TFCP2: variants seen among roughly 807,000 people sequenced by gnomAD.
The protein encoded by TFCP2 is transcription factor CP2.
In TFCP2, 33 loss-of-function variants were observed where a neutral mutation model predicts 73.4. The ratio of observed to expected loss-of-function variants is 0.45; its 90% CI spans 0.34 to 0.60. The LOEUF (loss-of-function observed/expected upper bound fraction) is 0.60. Among genes scored for constraint, TFCP2 ranks in the 20% least tolerant of loss-of-function variants. The pLI, the probability that TFCP2 is intolerant of heterozygous loss-of-function variation, is 0.01. For missense variants in TFCP2, 352 were observed against 604.0 expected, an observed-to-expected ratio of 0.58 and a Z score of 4.37; for synonymous variants, 193 against 211.6, an observed-to-expected ratio of 0.91 and a Z score of 0.76.
At chr12:51,103,790 T>C (rs17125370) in intron 9 of TFCP2, 27 bp from the exon 10 acceptor site, 113,495 of 1,576,654 alleles carry the variant, frequency 0.072, 4,580 homozygotes, top group African/African-American at 0.11. Context: ...GTTTTTTAGA[T>C]AACCAAATAG....
intron 10 of TFCP2, among the ~76,000 whole-genome samples, chr12:51,102,616 C>T (rs963804793): frequency 1.3e-5 from 2 of 151,860 alleles, no homozygotes; most frequent in African/African-American, 4.8e-5. Flanking sequence ...ATCCCAGCTA[C>T]TCGGGGGCTG....
intron 1 of TFCP2, among the ~76,000 whole-genome samples, chr12:51,128,478 T>TAAAAAAAAAAAAAAAA (rs11324129): frequency 7.3e-6 from 1 of 137,306 alleles, no homozygotes; most frequent in Non-Finnish European, 1.6e-5. Context: ...AGTATAATAA[T>TAAAAAAAAAAAAAAAA]AAAAAAAAAA....
At chr12:51,139,939 C>T (rs536140022) in intron 1 of TFCP2, among the ~76,000 whole-genome samples, 13 of 152,266 alleles carry the variant, frequency 8.5e-5, no homozygotes, top group African/African-American at 2.6e-4. Flanking sequence ...CTATTAAATA[C>T]TGGATTTACA....
rs71089747 is a variant in TFCP2, at chr12:51,115,064, G to GA, written c.457+1250dup. Among the ~76,000 whole-genome samples, 105 of 68,054 alleles carry GA rather than the reference G, an allele frequency of 1.5e-3. 3 individuals carry two copies. Among genetic ancestry groups the GA allele is most frequent in the African/African-American group, 5.3e-3 (99 of 18,636 alleles). The allele number at this position is 68,054 out of a possible 152,430, so 44.6% of individuals were successfully genotyped here. A position where few individuals can be genotyped will look rare whatever the true frequency, so the allele number is the denominator to read the frequency against. The stretch of plus-strand genomic sequence containing the variant: ...CAACAAGAGCGAAACTCCATCTCAG[G>GA]AAAAAAAAAAAAAGGAAAGCAACAA... On this transcript the variant is annotated intron_variant, in intron 4 of 14. Transcript: ENST00000257915.
chr12:51,154,825 G>A (rs1941504147), intron 1 of TFCP2, among the ~76,000 whole-genome samples: 3 of 152,252 alleles, frequency 2.0e-5, no homozygotes, highest in Admixed American at 6.5e-5. Context: ...TAGGATAAGG[G>A]GGAACTACTA....
chr12:51,147,094 G>A lies in TFCP2; in HGVS notation c.122+25207C>T, dbSNP rs552649554. Among the ~76,000 whole-genome samples, 4 of 152,318 alleles carry A rather than the reference G, an allele frequency of 2.6e-5. No homozygotes were observed. In the South Asian group the frequency reaches 8.3e-4, roughly 32 times the overall value. On this transcript the variant is annotated intron_variant, in intron 1 of 14. Coordinates refer to ENST00000257915, the MANE Select transcript of TFCP2 (RefSeq NM_005653.5). The stretch of plus-strand genomic sequence containing the variant: ...ACAGTGGCTCACGCCTGTAATCCCA[G>A]CACTTTGGGAGCCCAAAGCAGGCAG...
intron 1 of TFCP2, among the ~76,000 whole-genome samples, chr12:51,156,178 A>G (rs1376843623): frequency 6.6e-6 from 1 of 152,186 alleles, no homozygotes; most frequent in Non-Finnish European, 1.5e-5. Flanking sequence ...GAGGCTGGGT[A>G]ATTTACAAAG....
intron 1 of TFCP2, among the ~76,000 whole-genome samples, chr12:51,130,054 G>A (rs1003495848): frequency 6.6e-5 from 10 of 152,170 alleles, no homozygotes; most frequent in South Asian, 6.2e-4. Context: ...GGGAGGCTGA[G>A]GTAGGAGGAT....
intron 1 of TFCP2, among the ~76,000 whole-genome samples, chr12:51,135,036 G>A (rs1335528910): frequency 6.6e-6 from 1 of 151,958 alleles, no homozygotes; most frequent in Admixed American, 6.6e-5. Flanking sequence ...CTTGAGCCCT[G>A]GAGGTTGAGG....
At chr12:51,156,786 G>A (rs897420555) in intron 1 of TFCP2, 2 of 152,086 alleles carry the variant, frequency 1.3e-5, no homozygotes, top group Admixed American at 1.3e-4. Context: ...GTCTTGGTAG[G>A]TTTTGTGTTT....
chr12:51,132,684 GA>G (rs1200849736), intron 1 of TFCP2, among the ~76,000 whole-genome samples: 1 of 151,930 alleles, frequency 6.6e-6, no homozygotes, highest in East Asian at 1.9e-4. Flanking sequence ...TAGTCTTTAA[GA>G]AGTATCGCTA....
At chr12:51,104,002 C>G in intron 9 of TFCP2, 153 bp downstream of exon 9, 1 of 829,838 alleles carries the variant, frequency 1.2e-6, no homozygotes, top group Non-Finnish European at 2.0e-6. Flanking sequence ...TAGTCCCTAG[C>G]ACAGTATCTG....
chr12:51,100,533 T>A (rs986255897), intron 11 of TFCP2, among the ~76,000 whole-genome samples: 3 of 152,212 alleles, frequency 2.0e-5, no homozygotes, highest in African/African-American at 4.8e-5. Context: ...AAAACAAATA[T>A]GACCAGGCAC....
intron 1 of TFCP2, among the ~76,000 whole-genome samples, chr12:51,125,953 A>C (rs376477027): frequency 2.0e-5 from 3 of 151,456 alleles, no homozygotes; most frequent in South Asian, 4.2e-4. Flanking sequence ...AAAATTGGCC[A>C]GGCACGGTGG....
At chr12:51,140,445 C>CTTTTTTTTT (rs768526922) in intron 1 of TFCP2, among the ~76,000 whole-genome samples, 43 of 88,026 alleles carry the variant, frequency 4.9e-4, no homozygotes, top group Admixed American at 9.2e-4. Flanking sequence ...TTTTCTTTTT[C>CTTTTTTTTT]TTTTTTTTTT....
intron 12 of TFCP2, 36 bp from the exon 13 acceptor site, chr12:51,098,954 A>T: frequency 1.2e-6 from 2 of 1,608,908 alleles, no homozygotes; most frequent in Non-Finnish European, 8.5e-7. Flanking sequence ...GTCAGTACAA[A>T]GTTTGTCCAC....
chr12:51,100,435 T>G (rs1377857091), intron 11 of TFCP2, among the ~76,000 whole-genome samples: 1 of 152,146 alleles, frequency 6.6e-6, no homozygotes, highest in African/African-American at 2.4e-5. Flanking sequence ...AAATGAAAGA[T>G]CAATTATTTT....
At chr12:51,123,224 CTG>C (rs1940724405) in intron 1 of TFCP2, among the ~76,000 whole-genome samples, 1 of 152,240 alleles carries the variant, frequency 6.6e-6, no homozygotes, top group Non-Finnish European at 1.5e-5. Context: ...ATACACAAGA[CTG>C]TATTTCCTCA....
intron 3 of TFCP2, among the ~76,000 whole-genome samples, chr12:51,116,711 G>A (rs977935023): frequency 2.7e-5 from 4 of 149,978 alleles, no homozygotes; most frequent in Admixed American, 6.7e-5. Context: ...TCCACCTCCC[G>A]GGTTCAAGGA....
Sources: allele counts gnomAD v4.1 joint callset (sites outside exome capture counted in the v4.1 genomes callset), GRCh38; gene constraint gnomAD v4.1.1; transcripts MANE v1.5; gene names NCBI Gene and HGNC (gene_info 2026-07-23, HGNC 2026-07-21).